Variants in PLEKHG4B observed in about 807,000 individuals in gnomAD.
PLEKHG4B encodes pleckstrin homology and RhoGEF domain containing G4B, also known as pleckstrin homology domain-containing family G member 4B.
A neutral mutation model predicts 121.3 loss-of-function variants in PLEKHG4B; 111 were observed. The ratio of observed to expected loss-of-function variants is 0.92; its 90% CI spans 0.78 to 1.07. The LOEUF is 1.07. PLEKHG4B is among the 50% of genes least tolerant of loss of function. The pLI, the probability that PLEKHG4B is intolerant of heterozygous loss-of-function variation, is 0.00. For missense variants in PLEKHG4B, 1,831 were observed against 1,757.8 expected (o/e 1.04, Z -0.74); for synonymous variants, 738 against 725.0 (o/e 1.02, Z -0.29).
Position 113,337 on chromosome 5 carries a change from G to A in PLEKHG4B, c.132G>A (p.Trp44Ter). The A allele has an allele frequency of 2.5e-6, 1 of 399,130 alleles. No individual in the cohort carries two copies. The allele number at this position is 399,130 out of a possible 1,614,324, so 24.7% of individuals were successfully genotyped here. A position where few individuals can be genotyped will look rare whatever the true frequency, so the allele number is the denominator to read the frequency against. The change falls in exon 2 of 20, where the codon TGG (tryptophan) becomes TGA (stop). Residue 44 changes from tryptophan (W) to a stop codon, truncating the protein, a stop_gained. Coordinates refer to ENST00000637938, the MANE Select transcript of PLEKHG4B (RefSeq NM_052909.5). LOFTEE classifies it high-confidence loss of function. The surrounding 1 kb of genome is among the most constrained non-coding windows in gnomAD (Gnocchi z 5.2). The stretch of plus-strand genomic sequence containing the variant: ...AAGCCACGGCAGCCACGGTGCTCTG[G>A]CAGCTGTTCAGCGTGGCCGAGAGGT... ...PFEATAATVL[W>*]QLFSVAERCH...
At chr5:173,653 G>T (rs4956986) in intron 17 of PLEKHG4B, among the ~76,000 whole-genome samples, 1 of 151,580 alleles carries the variant, frequency 6.6e-6, no homozygotes, top group Non-Finnish European at 1.5e-5. Context: ...GTCCTGTACA[G>T]TCTCCTTTGC....
intron 1 of PLEKHG4B, among the ~76,000 whole-genome samples, chr5:97,541 C>T (rs528359114): frequency 3.3e-5 from 5 of 152,348 alleles, no homozygotes; most frequent in African/African-American, 4.8e-5. Context: ...TCAACGGAAT[C>T]GCACAATATA....
rs1232062623 is a variant in PLEKHG4B at position 189,544 on chromosome 5, T to C, written c.*7221T>C. On this transcript the variant is annotated 3_prime_UTR_variant, in exon 20 of 20. Coordinates refer to ENST00000637938, the MANE Select transcript of PLEKHG4B (RefSeq NM_052909.5). ...AGTTAGGTCTGAGAAAGAACGCCTG[T>C]TTGTCATGGCATTTCCTGTAAGGAG... 3 of 152,300 alleles carry C rather than the reference T, an allele frequency of 2.0e-5. No homozygotes were observed. Among genetic ancestry groups the C allele is most frequent in the African/African-American group, 7.2e-5 (3 of 41,460 alleles). 9.4% of individuals were successfully genotyped at this position (152,300 alleles called of 1,614,324 possible).
At chr5:131,084 C>T (rs368552944) in intron 2 of PLEKHG4B, among the ~76,000 whole-genome samples, 81 of 151,952 alleles carry the variant, frequency 5.3e-4, no homozygotes, top group African/African-American at 1.9e-3. Flanking sequence ...TGATGCCCCA[C>T]GCCTCTGCAA....
At position 175,095 on chromosome 5, in the gene PLEKHG4B, C is replaced by T. The variant is rs556042921; in HGVS notation, c.4402+997C>T. Among the ~76,000 whole-genome samples the T allele has an allele frequency of 3.3e-5, 5 of 152,246 alleles. No individual in the cohort carries two copies. In the East Asian group the frequency reaches 7.7e-4, roughly 24 times the overall value. On this transcript the variant is annotated intron_variant, in intron 18 of 19. Transcript: ENST00000637938. ...GTCCACAAGCGAACATAAGGCACTG[C>T]GGCAACCCGAGAGAGTCCCCCGCAG...
At chr5:98,234 G>A (rs770687294) in intron 1 of PLEKHG4B, among the ~76,000 whole-genome samples, 2 of 151,890 alleles carry the variant, frequency 1.3e-5, no homozygotes, top group Non-Finnish European at 2.9e-5. Flanking sequence ...TTTTGTATGT[G>A]GTGTGGGGTA....
At position 139,587 on chromosome 5, in the gene PLEKHG4B, C is replaced by T. The variant is rs6867447; in HGVS notation, c.348C>T (p.Pro116=). The part of the protein sequence containing the change: ...LASLHGVRLQ[P]GDFYLQVTSA... ...CCCTGCACGGAGTCAGGCTCCAGCCCGGGGACTTCTACCTGCAGGTCACGT... is the reference window on the plus strand; with the variant it reads ...CCCTGCACGGAGTCAGGCTCCAGCCTGGGGACTTCTACCTGCAGGTCACGT... The change falls in exon 3 of 20, where the codon CCC becomes CCT. Residue 116 remains proline, a synonymous_variant. Coordinates refer to ENST00000637938, the MANE Select transcript of PLEKHG4B (RefSeq NM_052909.5). The surrounding 1 kb of genome is among the most constrained non-coding windows in gnomAD (Gnocchi z 5.0). 58,042 of 398,774 alleles carry T rather than the reference C, an allele frequency of 0.15. 5,834 individuals are homozygous for T. The highest frequency in any genetic ancestry group is 0.36 in the African/African-American group (17,366 of 48,682). The allele number at this position is 398,774 out of a possible 1,614,324, so 24.7% of individuals were successfully genotyped here. A position where few individuals can be genotyped will look rare whatever the true frequency, so the allele number is the denominator to read the frequency against.
rs1443767682 is a variant in PLEKHG4B at position 163,673 on chromosome 5, C to T, written c.3476+125C>T. 9 of 819,282 alleles carry T rather than the reference C, an allele frequency of 1.1e-5. No individual in the cohort carries two copies. In the African/African-American group the frequency reaches 1.6e-4, roughly 14 times the overall value. 50.8% of individuals were successfully genotyped at this position (819,282 alleles called of 1,614,324 possible). On this transcript the variant is annotated intron_variant, in intron 13 of 19. Transcript: ENST00000637938. The stretch of plus-strand genomic sequence containing the variant: ...AAATCCGCAGACATCCCTCTGGGTC[C>T]ACCTGTCCGGTCTAAGAAGAAACAC...
At chr5:112,487 C>A (rs1259544150) in intron 1 of PLEKHG4B, among the ~76,000 whole-genome samples, 1 of 152,204 alleles carries the variant, frequency 6.6e-6, no homozygotes, top group Non-Finnish European at 1.5e-5. Flanking sequence ...CAGACATGAG[C>A]CTTGTGGTAT....
At chr5:128,889 C>T (rs139983030) in intron 2 of PLEKHG4B, among the ~76,000 whole-genome samples, 12 of 152,232 alleles carry the variant, frequency 7.9e-5, no homozygotes, top group East Asian at 5.8e-4. Flanking sequence ...ACTGGAAGAA[C>T]GAGTTCAGGC....
intron 2 of PLEKHG4B, among the ~76,000 whole-genome samples, chr5:138,549 T>G (rs1477338686): frequency 1.3e-5 from 2 of 152,238 alleles, no homozygotes; most frequent in African/African-American, 2.4e-5. Flanking sequence ...TAGCGCATTT[T>G]TATTGCCATT....
At chr5:143,701 C>T (rs1278236546) in intron 5 of PLEKHG4B, among the ~76,000 whole-genome samples, 198 bp downstream of exon 5, 2 of 152,216 alleles carry the variant, frequency 1.3e-5, no homozygotes, top group Non-Finnish European at 2.9e-5. Flanking sequence ...CTCTACACAT[C>T]CTTCCCAGTG....
intron 16 of PLEKHG4B, among the ~76,000 whole-genome samples, chr5:172,152 G>A (rs533889564): frequency 4.6e-5 from 7 of 151,952 alleles, no homozygotes; most frequent in Admixed American, 2.6e-4. Flanking sequence ...CCCCAACACC[G>A]ACGGAATCGG....
intron 13 of PLEKHG4B, among the ~76,000 whole-genome samples, chr5:165,649 A>G (rs67586830): frequency 7.1e-5 from 2 of 28,168 alleles, no homozygotes; most frequent in East Asian, 5.0e-4. Flanking sequence ...GATGTGGCGG[A>G]GCTCACACTA....
intron 12 of PLEKHG4B, among the ~76,000 whole-genome samples, chr5:162,155 C>G (rs1047435214): frequency 6.6e-6 from 1 of 152,242 alleles, no homozygotes; most frequent in Non-Finnish European, 1.5e-5. Flanking sequence ...ACCAAACAGA[C>G]CAGCCAAACG....
rs757715932 is a variant in PLEKHG4B at position 154,958 on chromosome 5, C to T, written c.2076C>T (p.Pro692=). The change falls in exon 8 of 20, where the codon CCC becomes CCT. Residue 692 remains proline (P), a synonymous_variant. Coordinates refer to ENST00000637938, the MANE Select transcript of PLEKHG4B (RefSeq NM_052909.5). ...CCGCAGACCTCGACGGCTCCTTTCC[C>T]TACAGCCATGGTGACTGGATCTGCT... ...QLTADLDGSF[P]YSHGDWICFR... 2 of 1,613,534 alleles carry T rather than the reference C, an allele frequency of 1.2e-6. No individual in the cohort carries two copies. Among genetic ancestry groups the T allele is most frequent in the Non-Finnish European group, 8.5e-7 (1 of 1,180,030 alleles).
intron 18 of PLEKHG4B, among the ~76,000 whole-genome samples, chr5:175,345 ACT>A (rs950073287): frequency 7.9e-5 from 12 of 151,406 alleles, no homozygotes; most frequent in African/African-American, 2.7e-4. Context: ...ACTGAGGGTG[ACT>A]CTCTGTGCTT....
chr5:143,290 G>A lies in PLEKHG4B; in HGVS notation c.1687+34G>A, dbSNP rs746677453. 5.3e-5 allele frequency: 85 copies of A among 1,608,236 alleles called. 1 individual carries two copies. Among genetic ancestry groups the A allele is most frequent in the South Asian group, 4.7e-4 (43 of 90,986 alleles). On this transcript the variant is annotated intron_variant, in intron 4 of 19. Coordinates refer to ENST00000637938, the MANE Select transcript of PLEKHG4B (RefSeq NM_052909.5). ...ACATGCCAGGCTCTCCTGTCAGGGC[G>A]GATCTGACATCTAAGCCGACAGCAC...
chr5:181,678 A>T lies in PLEKHG4B; in HGVS notation c.4564+3A>T. The T allele has an allele frequency of 6.2e-7, 1 of 1,611,216 alleles. No individual in the cohort carries two copies. The highest frequency in any genetic ancestry group is 8.5e-7 in the Non-Finnish European group (1 of 1,178,574). On this transcript the variant is annotated splice_donor_region_variant and intron_variant, in intron 19 of 19. Coordinates refer to ENST00000637938, the MANE Select transcript of PLEKHG4B (RefSeq NM_052909.5). ...CGACAGCATCGTCAAGGGCACAGGT[A>T]CGGTGGCTCGGTCCCGCCCTCACTC...
Sources: gnomAD v4.1 joint callset for allele counts (sites outside exome capture counted in the v4.1 genomes callset) on GRCh38, gnomAD v4.1.1 for gene constraint, Gnocchi (gnomAD v3.1) non-coding constraint, MANE v1.5 for transcripts, NCBI Gene and HGNC (gene_info 2026-07-23, HGNC 2026-07-21) for gene names.